Variants in LIPJ observed in about 807,000 individuals in gnomAD.
LIPJ encodes the protein lipase family member J, also known as lipase member J.
A neutral mutation model predicts 39.8 loss-of-function variants in LIPJ; 33 were observed. That is an observed-to-expected ratio of 0.83 (90% CI 0.63 to 1.11). The LOEUF is 1.11. Among genes scored for constraint, LIPJ ranks in the 50% least tolerant of loss-of-function variants. The probability of loss-of-function intolerance (pLI) is 0.00; values close to 1 mark genes in which losing one functional copy is unlikely to be tolerated. For synonymous variants in LIPJ, 128 were observed against 139.2 expected, an observed-to-expected ratio of 0.92 and a Z score of 0.57; for missense variants, 422 against 427.9, an observed-to-expected ratio of 0.99 and a Z score of 0.12.
intron 5 of LIPJ, 41 bp from the exon 6 acceptor site, chr10:88,594,626 T>G (rs899884054): frequency 3.1e-6 from 3 of 954,728 alleles, no homozygotes; most frequent in Non-Finnish European, 4.7e-6. Context: ...AACATAACAT[T>G]AGTAGAAAGT....
chr10:88,587,485 C>A (rs141027575), intron 2 of LIPJ, 93 bp downstream of exon 2: 99 of 152,138 alleles, frequency 6.5e-4, no homozygotes, highest in African/African-American at 2.3e-3. Flanking sequence ...ATTCTCAAGT[C>A]ATCTTTTAGG....
exon 8 of LIPJ, chr10:88,596,920 C>A: frequency 6.5e-7 from 1 of 1,529,348 alleles, no homozygotes; most frequent in Non-Finnish European, 8.9e-7. Flanking sequence ...GGATATGACC[C>A]AAAAAACTTA....
At chr10:88,596,805 A>G in exon 8 of LIPJ, 1 of 1,602,014 alleles carries the variant, frequency 6.2e-7, no homozygotes, top group Admixed American at 1.7e-5. Flanking sequence ...TTCAGGCAAC[A>G]AAGACTTCTT....
chr10:88,602,535 A>C (rs972804247), intron 8 of LIPJ, 41 bp from the exon 9 acceptor site: 1 of 1,420,394 alleles, frequency 7.0e-7, no homozygotes, highest in Non-Finnish European at 9.6e-7. Context: ...CTATGATTCA[A>C]CTTATATAAA....
Position 88,605,271 on chromosome 10 carries a change from C to T in LIPJ, c.796-362C>T, listed in dbSNP as rs113396819. Among the ~76,000 whole-genome samples, 942 of 152,168 alleles carry T rather than the reference C, an allele frequency of 6.2e-3. 6 individuals are homozygous for T. The highest frequency in any genetic ancestry group is 0.021 in the African/African-American group (886 of 41,506). ...ATTGTTTGAAGCATGGTGTTTTAGG[C>T]GGGTGTTATCTTAGTCTCAGTGCAA... On this transcript the variant is annotated intron_variant, in intron 9 of 10. Transcript: ENST00000371939.
rs1850994039 is a variant in LIPJ at position 88,588,816 on chromosome 10, T to C, written c.-104+1424T>C. Among the ~76,000 whole-genome samples, 3 of 151,942 alleles carry C rather than the reference T, an allele frequency of 2.0e-5. No individual in the cohort carries two copies. The South Asian group carries it at 6.2e-4, about 31-fold the overall frequency. On this transcript the variant is annotated intron_variant, in intron 2 of 10. Coordinates refer to ENST00000371939, the Ensembl canonical transcript of LIPJ. ...ACATTTCAAGTGCTCAATGGCCACA[T>C]TCTAGACTTTAGTGAACTTTTTCAC...
At chr10:88,586,135 A>T (rs1336273428), upstream of LIPJ, among the ~76,000 whole-genome samples, 2 of 152,042 alleles carry the variant, frequency 1.3e-5, no homozygotes. Context: ...CTTTCTCCCT[A>T]TGATCATACG....
chr10:88,609,345 T>C (rs1397460709), downstream of LIPJ, among the ~76,000 whole-genome samples: 3 of 152,228 alleles, frequency 2.0e-5, no homozygotes, highest in African/African-American at 7.2e-5. Flanking sequence ...TGAGAATAGA[T>C]ACATCTTTAG....
upstream of LIPJ, among the ~76,000 whole-genome samples, chr10:88,585,225 G>A (rs1188213553): frequency 1.3e-5 from 2 of 152,116 alleles, no homozygotes; most frequent in Admixed American, 6.5e-5. Flanking sequence ...TCATCTCAAC[G>A]GTGAAGCAAG....
At chr10:88,586,926 C>T (rs945507816) in intron 1 of LIPJ, 81 bp downstream of exon 1, 1 of 152,086 alleles carries the variant, frequency 6.6e-6, no homozygotes, top group Non-Finnish European at 1.5e-5. Flanking sequence ...TCTTTTGAGA[C>T]CTAACAATAC....
At chr10:88,583,204 A>G, upstream of LIPJ, 1 of 1,613,516 alleles carries the variant, frequency 6.2e-7, no homozygotes. Flanking sequence ...GAGAGGGAGC[A>G]GCGATCCGCG....
rs781183196 is a variant in LIPJ at position 88,594,117 on chromosome 10, C to T, written c.302C>T (p.Thr101Met). The T allele has an allele frequency of 2.5e-5, 40 of 1,610,488 alleles. No individual in the cohort carries two copies. The highest frequency in any genetic ancestry group is 1.9e-4 in the South Asian group (17 of 90,820). Residue 101 changes from threonine to methionine, a missense_variant, in exon 5 of 11, where the codon ACG (threonine) becomes ATG (methionine). Thr to Met is a moderately conservative substitution (Grantham distance 81). Transcript: ENST00000371939. ...TCCAGGAAACACTTGTACCTAGAAA[C>T]GAGTTCCAAAGAATTCTGGGCTTTC... is the stretch of plus-strand genomic sequence containing the variant.
exon 7 of LIPJ, chr10:88,596,364 A>G: frequency 6.4e-7 from 1 of 1,565,100 alleles, no homozygotes; most frequent in Non-Finnish European, 8.6e-7. Context: ...TCCACAAAGT[A>G]CTTAAAAAGT....
intron 10 of LIPJ, 92 bp downstream of exon 10, chr10:88,605,796 C>T: frequency 2.7e-6 from 2 of 743,452 alleles, no homozygotes; most frequent in Non-Finnish European, 4.7e-6. Context: ...CCCCACAGTA[C>T]AATAACACAC....
At chr10:88,583,119 C>T (rs1361139400), upstream of LIPJ, 5 of 1,614,140 alleles carry the variant, frequency 3.1e-6, no homozygotes, top group East Asian at 4.5e-5. Flanking sequence ...AGGGACCGGA[C>T]GTCTGCCTCC....
chr10:88,611,676 G>A (rs917764126), downstream of LIPJ, among the ~76,000 whole-genome samples: 1 of 152,148 alleles, frequency 6.6e-6, no homozygotes, highest in African/African-American at 2.4e-5. Context: ...TTCAGAGCTT[G>A]AAAACAAGGC....
At chr10:88,588,043 A>G (rs1195631630) in intron 2 of LIPJ, among the ~76,000 whole-genome samples, 1 of 152,042 alleles carries the variant, frequency 6.6e-6, no homozygotes. Context: ...TTCTGGAGCT[A>G]AATTTGTATT....
chr10:88,588,570 A>G (rs1850984465), intron 2 of LIPJ, among the ~76,000 whole-genome samples: 1 of 151,876 alleles, frequency 6.6e-6, no homozygotes, highest in Non-Finnish European at 1.5e-5. Flanking sequence ...TCAGCATGAT[A>G]TGGATGAAAA....
the LIPJ span, among the ~76,000 whole-genome samples, chr10:88,616,727 G>A: frequency 6.6e-6 from 1 of 152,190 alleles, no homozygotes; most frequent in Non-Finnish European, 1.5e-5. Context: ...TCAGGCTGAG[G>A]CTGCCTGCTC....
Sources: allele counts gnomAD v4.1 joint callset (sites outside exome capture counted in the v4.1 genomes callset), GRCh38; gene constraint gnomAD v4.1.1; transcripts MANE v1.5; gene names NCBI Gene and HGNC (gene_info 2026-07-23, HGNC 2026-07-21).